Variants in CEP83 observed in about 807,000 individuals in gnomAD.
CEP83 encodes centrosomal protein 83.
Under a neutral mutation model 101.9 loss-of-function variants are expected in CEP83, and 70 were observed. That is an observed-to-expected ratio of 0.69 (90% confidence interval 0.57 to 0.84). CEP83 has a LOEUF of 0.84. CEP83 is among the 40% of genes least tolerant of loss of function. The pLI is 0.00. For missense variants in CEP83, 715 were observed against 787.2 expected (o/e 0.91, Z 1.10); for synonymous variants, 264 against 267.9 (o/e 0.99, Z 0.14).
chr12:94,315,211 G>C (rs1345491854), intron 14 of CEP83, among the ~76,000 whole-genome samples: 2 of 152,146 alleles, frequency 1.3e-5, no homozygotes, highest in Non-Finnish European at 2.9e-5. Flanking sequence ...CAATATGTGA[G>C]AGTTCTAGCT....
rs1245738091 is a variant in CEP83, at chr12:94,308,034, A to G, written c.*779T>C. On this transcript the variant is annotated 3_prime_UTR_variant, in exon 17 of 17. Coordinates refer to ENST00000397809, the MANE Select transcript of CEP83 (RefSeq NM_016122.3). ...ATGGGTGTAGACCAAAAAAAATGAG[A>G]GCATACTTAGGGACACAAAACACAT... is the stretch of plus-strand genomic sequence containing the variant. The G allele has an allele frequency of 1.3e-5, 2 of 152,164 alleles. No individual in the cohort carries two copies. The highest frequency in any genetic ancestry group is 4.8e-5 in the African/African-American group (2 of 41,414). 9.4% of individuals were successfully genotyped at this position (152,164 alleles called of 1,614,324 possible). A position where few individuals can be genotyped will look rare whatever the true frequency, so the allele number is the denominator to read the frequency against.
chr12:94,347,108 CAT>C (rs1193427548), intron 11 of CEP83, among the ~76,000 whole-genome samples: 9 of 150,816 alleles, frequency 6.0e-5, no homozygotes, highest in African/African-American at 1.7e-4. Flanking sequence ...CACACACACA[CAT>C]ACACACACAA....
At chr12:94,323,677 A>G (rs1384104835) in intron 14 of CEP83, among the ~76,000 whole-genome samples, 3 of 151,950 alleles carry the variant, frequency 2.0e-5, no homozygotes, top group Non-Finnish European at 4.4e-5. Flanking sequence ...CTCCCCCTCC[A>G]TTTCTTTTTC....
downstream of CEP83, chr12:94,307,503 T>TAA (rs912914757): frequency 6.6e-6 from 1 of 152,216 alleles, no homozygotes. Context: ...AAACCATTTA[T>TAA]AAACTTTTTT....
intron 8 of CEP83, 117 bp from the exon 9 acceptor site, chr12:94,370,153 C>T (rs990275251): frequency 1.6e-6 from 1 of 628,102 alleles, no homozygotes; most frequent in African/African-American, 1.8e-5. Flanking sequence ...GTCTAAGTAT[C>T]TTCCAAGAAG....
chr12:94,286,127 G>A, the CEP83 span, among the ~76,000 whole-genome samples: 1 of 152,196 alleles, frequency 6.6e-6, no homozygotes, highest in Non-Finnish European at 1.5e-5. Context: ...GGATGATAAT[G>A]AAATTAATCC....
the CEP83 span, among the ~76,000 whole-genome samples, chr12:94,279,141 A>G: frequency 6.6e-6 from 1 of 152,214 alleles, no homozygotes; most frequent in African/African-American, 2.4e-5. Context: ...GAACCCTTCC[A>G]ATTCTTTTTT....
intron 14 of CEP83, among the ~76,000 whole-genome samples, chr12:94,317,997 A>G (rs568764480): frequency 1.3e-5 from 2 of 152,304 alleles, no homozygotes; most frequent in Admixed American, 6.5e-5. Flanking sequence ...CACTGAATCA[A>G]TAAATTGCTT....
intron 6 of CEP83, among the ~76,000 whole-genome samples, chr12:94,389,426 C>T (rs1002983105): frequency 3.9e-5 from 6 of 152,168 alleles, no homozygotes; most frequent in Non-Finnish European, 7.4e-5. Context: ...CATTAAGTTT[C>T]AAGTTCCCAG....
chr12:94,411,823 T>C lies in CEP83; in HGVS notation c.198A>G (p.Leu66=), dbSNP rs376661540. The change falls in exon 4 of 17, where the codon TTA becomes TTG. Residue 66 remains leucine (L), a synonymous_variant. Transcript: ENST00000397809. ...HTRLQNEHVK[L]QNELKHLFNE... ...TAAACAGGTGCTTGAGTTCATTTTG[T>C]AACTTTACATGTTCATTCTGCAACC... 2 of 1,612,192 alleles carry C rather than the reference T, an allele frequency of 1.2e-6. No individual in the cohort carries two copies. Among genetic ancestry groups the C allele is most frequent in the African/African-American group, 2.7e-5 (2 of 74,880 alleles).
intron 14 of CEP83, among the ~76,000 whole-genome samples, chr12:94,322,255 T>A (rs1479776043): frequency 1.3e-5 from 2 of 152,138 alleles, no homozygotes; most frequent in Non-Finnish European, 2.9e-5. Context: ...AGACAACAGC[T>A]AAGGCTGCTA....
the CEP83 span, among the ~76,000 whole-genome samples, chr12:94,268,685 C>G: frequency 6.8e-6 from 1 of 147,614 alleles, no homozygotes; most frequent in Non-Finnish European, 1.5e-5. Context: ...ACCTCCGCCT[C>G]TGGGGTTCAA....
chr12:94,353,732 G>GAA (rs35963595), intron 11 of CEP83, among the ~76,000 whole-genome samples: 1 of 134,244 alleles, frequency 7.4e-6, no homozygotes, highest in Non-Finnish European at 1.6e-5. Context: ...CGAAGTGGGG[G>GAA]AAAAAAAAAA....
At chr12:94,322,176 C>T (rs1241203755) in intron 14 of CEP83, among the ~76,000 whole-genome samples, 4 of 152,096 alleles carry the variant, frequency 2.6e-5, no homozygotes, top group Non-Finnish European at 5.9e-5. Flanking sequence ...TAGCTTTTTC[C>T]ATAGGGTAGC....
At chr12:94,452,657 T>C (rs1238416285) in intron 1 of CEP83, among the ~76,000 whole-genome samples, 1 of 152,164 alleles carries the variant, frequency 6.6e-6, no homozygotes, top group Non-Finnish European at 1.5e-5. Flanking sequence ...AAATTTGTAA[T>C]ATCATCCATA....
Position 94,352,048 on chromosome 12 carries a change from CCTT to C in CEP83, c.1343+15743_1343+15745del, listed in dbSNP as rs1419698148. ...GCAGGACAAATATACAGGAAAAAGT[CCTT>C]CTTTACAAAAGCTACTCCATAAAAT... On this transcript the variant is annotated intron_variant, in intron 11 of 16. Transcript: ENST00000397809. Among the ~76,000 whole-genome samples, 6 of 152,164 alleles carry C rather than the reference CCTT, an allele frequency of 3.9e-5. No individual in the cohort carries two copies. The East Asian group carries it at 1.2e-3, about 29-fold the overall frequency.
intron 11 of CEP83, among the ~76,000 whole-genome samples, chr12:94,356,684 T>C (rs940772559): frequency 6.6e-6 from 1 of 152,220 alleles, no homozygotes; most frequent in Admixed American, 6.5e-5. Context: ...TGGACCAGGT[T>C]CTCCTTTTGT....
intron 14 of CEP83, among the ~76,000 whole-genome samples, chr12:94,331,348 CCTT>C (rs1408801978): frequency 7.6e-6 from 1 of 131,636 alleles, no homozygotes; most frequent in Admixed American, 8.0e-5. Context: ...ATAGAAATCA[CCTT>C]TTTTCCTTTT....
chr12:94,268,081 G>C, the CEP83 span, among the ~76,000 whole-genome samples: 1 of 152,168 alleles, frequency 6.6e-6, no homozygotes, highest in Non-Finnish European at 1.5e-5. Flanking sequence ...TGAAATGACA[G>C]AACCTGGTGC....
Sources: gnomAD v4.1 joint callset for allele counts (sites outside exome capture counted in the v4.1 genomes callset) on GRCh38, gnomAD v4.1.1 for gene constraint, MANE v1.5 for transcripts, NCBI Gene and HGNC (gene_info 2026-07-23, HGNC 2026-07-21) for gene names.